Variants in COL19A1 observed in about 807,000 individuals in gnomAD.
The protein encoded by COL19A1 is collagen type XIX alpha 1 chain, also known as collagen alpha-1(XIX) chain.
COL19A1 carries 159 observed loss-of-function variants against 190.2 expected under a neutral mutation model. That is an observed-to-expected ratio of 0.84 (90% CI 0.73 to 0.95). The LOEUF is 0.95. Among genes scored for constraint, COL19A1 ranks in the 40% least tolerant of loss-of-function variants. COL19A1 has a pLI of 0.00. For missense variants in COL19A1, 1,418 were observed against 1,431.9 expected, an observed-to-expected ratio of 0.99 and a Z score of 0.16; for synonymous variants, 509 against 458.9, an observed-to-expected ratio of 1.11 and a Z score of -1.39.
chr6:70,174,535 G>C (rs928145115), intron 41 of COL19A1, among the ~76,000 whole-genome samples: 1 of 151,306 alleles, frequency 6.6e-6, no homozygotes, highest in African/African-American at 2.4e-5. Flanking sequence ...ACTCCAGCCT[G>C]GGTGATAGAG....
chr6:70,071,698 A>G (rs116142490), intron 15 of COL19A1, among the ~76,000 whole-genome samples: 190 of 152,220 alleles, frequency 1.2e-3, no homozygotes, highest in African/African-American at 4.3e-3. Flanking sequence ...ATCCTAAGCT[A>G]CAGATGAGAA....
At position 70,142,007 on chromosome 6, in the gene COL19A1, C is replaced by A. The variant is rs757785218; in HGVS notation, c.1519-16C>A. On this transcript the variant is annotated splice_polypyrimidine_tract_variant and intron_variant, in intron 21 of 50. Transcript: ENST00000620364. ...ATTAAAGAAACATTGATCTTTCCTT[C>A]CCCCCACGTGTTTAGGGTGAACCTG... The A allele has an allele frequency of 6.2e-7, 1 of 1,612,108 alleles. No individual in the cohort carries two copies. The highest frequency in any genetic ancestry group is 1.1e-5 in the South Asian group (1 of 91,018).
chr6:70,152,999 C>T (rs1787170505), intron 31 of COL19A1, among the ~76,000 whole-genome samples: 1 of 152,086 alleles, frequency 6.6e-6, no homozygotes, highest in Non-Finnish European at 1.5e-5. Context: ...CGGGAATCAT[C>T]CCTCTAATGA....
chr6:70,176,950 C>T (rs1388002832), intron 42 of COL19A1, among the ~76,000 whole-genome samples: 1 of 152,140 alleles, frequency 6.6e-6, no homozygotes, highest in Non-Finnish European at 1.5e-5. Context: ...CTTCAAGTTC[C>T]TTGTATTAAT....
intron 11 of COL19A1, among the ~76,000 whole-genome samples, chr6:69,999,688 A>T (rs944614264): frequency 1.3e-5 from 2 of 152,184 alleles, no homozygotes; most frequent in African/African-American, 4.8e-5. Context: ...AGCATTCTAC[A>T]TCGTCATCAA....
intron 14 of COL19A1, among the ~76,000 whole-genome samples, chr6:70,056,565 G>A (rs1302355713): frequency 6.6e-6 from 1 of 152,078 alleles, no homozygotes; most frequent in African/African-American, 2.4e-5. Flanking sequence ...ATCTATGAGA[G>A]CATCTCTATG....
At chr6:70,030,031 C>G (rs149249822) in intron 12 of COL19A1, among the ~76,000 whole-genome samples, 1 of 152,198 alleles carries the variant, frequency 6.6e-6, no homozygotes, top group East Asian at 1.9e-4. Flanking sequence ...GGCCATTCGT[C>G]TTCTGACTCT....
At chr6:70,207,009 C>G in intron 50 of COL19A1, 31 bp downstream of exon 50, 1 of 1,608,940 alleles carries the variant, frequency 6.2e-7, no homozygotes, top group Non-Finnish European at 8.5e-7. Context: ...ACAACACAAG[C>G]AAGCCTTTAC....
At chr6:70,157,065 G>A (rs1787485350) in intron 34 of COL19A1, among the ~76,000 whole-genome samples, 1 of 152,108 alleles carries the variant, frequency 6.6e-6, no homozygotes, top group Non-Finnish European at 1.5e-5. Context: ...AGGTAGCTAA[G>A]AGATTTAAAG....
chr6:70,007,347 T>C (rs78061032), intron 11 of COL19A1, among the ~76,000 whole-genome samples: 16,025 of 151,994 alleles, frequency 0.11, 986 homozygotes, highest in East Asian at 0.29. Context: ...ATGGATGAGA[T>C]TCAAGATACA....
chr6:69,915,808 G>A (rs1228903053), intron 4 of COL19A1, among the ~76,000 whole-genome samples: 3 of 151,962 alleles, frequency 2.0e-5, no homozygotes, highest in African/African-American at 7.3e-5. Context: ...TTTTCATTAG[G>A]AAAATAAATA....
intron 8 of COL19A1, among the ~76,000 whole-genome samples, chr6:69,937,291 T>A (rs529949579): frequency 2.6e-5 from 4 of 152,232 alleles, no homozygotes; most frequent in African/African-American, 9.6e-5. Flanking sequence ...TACTCTACAT[T>A]GTATTTCTTT....
At chr6:70,175,911 A>G (rs1259274813) in intron 41 of COL19A1, among the ~76,000 whole-genome samples, 1 of 152,142 alleles carries the variant, frequency 6.6e-6, no homozygotes, top group African/African-American at 2.4e-5. Flanking sequence ...TCTGCCCCCA[A>G]AAATTGCCAT....
chr6:70,069,782 A>G (rs1253079503), intron 15 of COL19A1, among the ~76,000 whole-genome samples: 1 of 152,148 alleles, frequency 6.6e-6, no homozygotes, highest in African/African-American at 2.4e-5. Flanking sequence ...TGAATCACAG[A>G]GTAGGAACTG....
At chr6:70,016,449 T>C (rs1427980091) in intron 11 of COL19A1, among the ~76,000 whole-genome samples, 1 of 142,452 alleles carries the variant, frequency 7.0e-6, no homozygotes, top group Admixed American at 7.0e-5. Flanking sequence ...TTTTAATTGT[T>C]ATGATGGTTT....
At chr6:69,978,386 A>C (rs1775846908) in intron 11 of COL19A1, among the ~76,000 whole-genome samples, 1 of 152,138 alleles carries the variant, frequency 6.6e-6, no homozygotes, top group Admixed American at 6.5e-5. Context: ...TTGGACAAAA[A>C]AAATAAAAAA....
intron 13 of COL19A1, among the ~76,000 whole-genome samples, chr6:70,034,853 C>T (rs1259078341): frequency 1.3e-5 from 2 of 152,138 alleles, no homozygotes; most frequent in African/African-American, 4.8e-5. Context: ...ATGTGTTTTG[C>T]AATGCATTTT....
chr6:70,007,453 T>TATGACA (rs1777702919), intron 11 of COL19A1, among the ~76,000 whole-genome samples: 1 of 152,006 alleles, frequency 6.6e-6, no homozygotes, highest in Non-Finnish European at 1.5e-5. Context: ...ACACAGACTC[T>TATGACA]ATGACAAGTG....
At chr6:69,921,521 C>CAT (rs1286098161) in intron 4 of COL19A1, among the ~76,000 whole-genome samples, 2 of 114,676 alleles carry the variant, frequency 1.7e-5, no homozygotes, top group Admixed American at 9.7e-5. Flanking sequence ...TATGTATATT[C>CAT]ATATATATTC....
Sources: allele counts gnomAD v4.1 joint callset (sites outside exome capture counted in the v4.1 genomes callset), GRCh38; gene constraint gnomAD v4.1.1; transcripts MANE v1.5; gene names NCBI Gene and HGNC (gene_info 2026-07-23, HGNC 2026-07-21).